The following POLR1C variants were observed in gnomAD, a reference collection of about 807,000 sequenced individuals.
The protein encoded by POLR1C is DNA-directed RNA polymerases I and III subunit RPAC1.
POLR1C carries 42 observed loss-of-function variants against 38.3 expected under a neutral mutation model. That is an observed-to-expected ratio of 1.10 (90% confidence interval 0.86 to 1.42). The LOEUF (loss-of-function observed/expected upper bound fraction) is 1.42, where lower values mean the gene tolerates loss of function less well. Among genes scored for constraint, POLR1C ranks in the 40% most tolerant of loss-of-function variants. The pLI, the probability that POLR1C is intolerant of heterozygous loss-of-function variation, is 0.00. For synonymous variants in POLR1C, 163 were observed against 163.9 expected, an observed-to-expected ratio of 0.99 and a Z score of 0.04; for missense variants, 507 against 450.5, an observed-to-expected ratio of 1.13 and a Z score of -1.14.
At chr6:43,540,223 C>T (rs958569882) in intron 9 of POLR1C, among the ~76,000 whole-genome samples, 5 of 152,166 alleles carry the variant, frequency 3.3e-5, no homozygotes, top group African/African-American at 1.2e-4. Context: ...AACCCTGTCT[C>T]TACTGAAGAT....
At chr6:43,518,978 C>G (rs904252195) in intron 2 of POLR1C, among the ~76,000 whole-genome samples, 1 of 152,068 alleles carries the variant, frequency 6.6e-6, no homozygotes, top group African/African-American at 2.4e-5. Flanking sequence ...CTGTGCCGGG[C>G]CAGGAGGGGG....
At chr6:43,526,442 A>C (rs936467804), downstream of POLR1C, 14 of 544,112 alleles carry the variant, frequency 2.6e-5, no homozygotes, top group African/African-American at 2.5e-4. Context: ...CATTGGAATA[A>C]AGCAAGAGAA....
At chr6:43,549,266 G>A (rs1174952818) in intron 9 of POLR1C, among the ~76,000 whole-genome samples, 7 of 152,116 alleles carry the variant, frequency 4.6e-5, no homozygotes, top group African/African-American at 4.8e-5. Flanking sequence ...ACTTCACCAT[G>A]TTGTCCAGGC....
chr6:43,530,391 A>G (rs1258475373), downstream of POLR1C, among the ~76,000 whole-genome samples: 1 of 152,070 alleles, frequency 6.6e-6, no homozygotes, highest in African/African-American at 2.4e-5. Flanking sequence ...ACTGCACTCC[A>G]GCCTGTGCAA....
At chr6:43,557,398 C>A (rs913176776) in intron 10 of POLR1C, among the ~76,000 whole-genome samples, 5 of 151,968 alleles carry the variant, frequency 3.3e-5, no homozygotes, top group Non-Finnish European at 7.4e-5. Context: ...TGCACTCCAG[C>A]CTGGGCGACA....
At chr6:43,519,627 C>T (rs1793032056) in intron 3 of POLR1C, 79 bp from the exon 4 acceptor site, 1 of 1,590,008 alleles carries the variant, frequency 6.3e-7, no homozygotes, top group Admixed American at 1.7e-5. Context: ...AGCTCCCTAC[C>T]TCTGGAGGTT....
At chr6:43,559,367 G>T (rs979029974) in intron 10 of POLR1C, among the ~76,000 whole-genome samples, 2 of 152,202 alleles carry the variant, frequency 1.3e-5, no homozygotes, top group Non-Finnish European at 2.9e-5. Context: ...GGGGACCCTT[G>T]AATGTGCACC....
At chr6:43,526,052 A>G (rs1407863049), downstream of POLR1C, 1 of 920,362 alleles carries the variant, frequency 1.1e-6, no homozygotes, top group Non-Finnish European at 1.7e-6. Flanking sequence ...TAGTACTAGG[A>G]GCCCTCCCAC....
At chr6:43,538,505 G>C (rs935545184) in intron 9 of POLR1C, among the ~76,000 whole-genome samples, 11 of 151,892 alleles carry the variant, frequency 7.2e-5, no homozygotes, top group African/African-American at 1.9e-4. Context: ...TGGATAAACA[G>C]AAAAAAGGAA....
chr6:43,519,191 G>C, intron 2 of POLR1C, 142 bp from the exon 3 acceptor site: 1 of 700,054 alleles, frequency 1.4e-6, no homozygotes, highest in South Asian at 1.5e-5. Context: ...GGGCGAGATA[G>C]AATATTTAAT....
intron 10 of POLR1C, among the ~76,000 whole-genome samples, chr6:43,554,608 G>C (rs1325614268): frequency 6.6e-6 from 1 of 151,754 alleles, no homozygotes; most frequent in Non-Finnish European, 1.5e-5. Flanking sequence ...GTTTTTAGTA[G>C]AGACAGGGTT....
At chr6:43,550,221 CTTCTT>C (rs774132636) in intron 9 of POLR1C, among the ~76,000 whole-genome samples, 13 of 152,330 alleles carry the variant, frequency 8.5e-5, no homozygotes, top group East Asian at 5.8e-4. Flanking sequence ...ACGCCTCTCT[CTTCTT>C]TTATCAAAAG....
chr6:43,523,818 G>T (rs200093268), downstream of POLR1C: 341 of 1,613,748 alleles, frequency 2.1e-4, 1 homozygote, highest in African/African-American at 3.7e-3. Flanking sequence ...GCTACAAAGG[G>T]AAAGAAGAGA....
At chr6:43,561,649 G>C (rs3757267) in exon 11 of POLR1C, 17,051 of 153,126 alleles carry the variant, frequency 0.11, 2,086 homozygotes, top group African/African-American at 0.31. Flanking sequence ...AAAATGCTGG[G>C]ATTACAGGCA....
At chr6:43,523,517 C>G (rs376365866), downstream of POLR1C, 3 of 436,048 alleles carry the variant, frequency 6.9e-6, no homozygotes, top group Admixed American at 9.1e-5. Context: ...GCACAGCACC[C>G]TTAGTTACCA....
At chr6:43,524,578 CCTT>C, downstream of POLR1C, 2 of 1,613,966 alleles carry the variant, frequency 1.2e-6, no homozygotes, top group Non-Finnish European at 1.7e-6. Flanking sequence ...TCCAGTGAGT[CCTT>C]CTGTATTTCA....
intron 9 of POLR1C, among the ~76,000 whole-genome samples, chr6:43,542,585 G>T (rs1214082529): frequency 6.6e-6 from 1 of 151,612 alleles, no homozygotes; most frequent in Non-Finnish European, 1.5e-5. Context: ...AATTTTTTTT[G>T]TTGGTGGTGG....
At chr6:43,529,210 G>T in intron 8 of POLR1C, 2 of 1,422,796 alleles carry the variant, frequency 1.4e-6, no homozygotes, top group Non-Finnish European at 1.9e-6. Context: ...GGACATCCTT[G>T]TAACAAACTC....
chr6:43,519,973 T>C, intron 4 of POLR1C, 93 bp from the exon 5 acceptor site: 1 of 1,563,150 alleles, frequency 6.4e-7, no homozygotes, highest in Non-Finnish European at 8.7e-7. Context: ...CTCCCAAGTT[T>C]GCCATAATTA....
Sources: gnomAD v4.1 joint callset for allele counts (sites outside exome capture counted in the v4.1 genomes callset) on GRCh38, gnomAD v4.1.1 for gene constraint, MANE v1.5 for transcripts, NCBI Gene and HGNC (gene_info 2026-07-23, HGNC 2026-07-21) for gene names.